Variants in KIAA1671 observed in about 807,000 individuals in gnomAD.
KIAA1671 encodes uncharacterized protein KIAA1671.
Under a neutral mutation model 131.2 loss-of-function variants are expected in KIAA1671, and 52 were observed. The ratio of observed to expected loss-of-function variants is 0.40; its 90% CI spans 0.32 to 0.50. KIAA1671 has a LOEUF of 0.50. KIAA1671 is among the 20% of genes least tolerant of loss of function. KIAA1671 has a pLI of 0.73. For synonymous variants in KIAA1671, 1,003 were observed against 961.6 expected, an observed-to-expected ratio of 1.04 and a Z score of -0.80; for missense variants, 2,360 against 2,364.2, an observed-to-expected ratio of 1.00 and a Z score of 0.04.
chr22:25,060,541 G>T (rs1046203739), intron 6 of KIAA1671: 1 of 152,150 alleles, frequency 6.6e-6, no homozygotes, highest in Non-Finnish European at 1.5e-5. Flanking sequence ...AGCTGCCTTC[G>T]GTTCACACTC....
At chr22:25,065,580 A>G (rs1928425031) in intron 6 of KIAA1671, among the ~76,000 whole-genome samples, 1 of 152,122 alleles carries the variant, frequency 6.6e-6, no homozygotes, top group South Asian at 2.1e-4. Context: ...ACAACACTCA[A>G]ACAAAATTAT....
chr22:25,050,855 C>T (rs1441144968), intron 6 of KIAA1671: 2 of 152,272 alleles, frequency 1.3e-5, no homozygotes, highest in Admixed American at 6.5e-5. Flanking sequence ...GCTATTTCTC[C>T]AGTCCCTCTC....
chr22:25,067,099 T>TGG (rs141825258), intron 6 of KIAA1671, among the ~76,000 whole-genome samples: 1 of 152,212 alleles, frequency 6.6e-6, no homozygotes, highest in East Asian at 1.9e-4. Context: ...GACTGGGCAC[T>TGG]GGGGGCAGCT....
intron 1 of KIAA1671, among the ~76,000 whole-genome samples, chr22:24,977,170 C>T (rs1032938761): frequency 2.0e-5 from 3 of 152,178 alleles, no homozygotes; most frequent in African/African-American, 7.2e-5. Context: ...TAATTATACT[C>T]ACGTTTCCAC....
intron 1 of KIAA1671, among the ~76,000 whole-genome samples, chr22:24,987,097 T>G (rs1050681125): frequency 1.3e-5 from 2 of 152,140 alleles, no homozygotes; most frequent in African/African-American, 4.8e-5. Flanking sequence ...CATTTGATTT[T>G]TATATGATTT....
chr22:25,029,479 A>G lies in KIAA1671; in HGVS notation c.1480A>G (p.Lys494Glu), dbSNP rs1926152694. 2 of 1,550,920 alleles carry G rather than the reference A, an allele frequency of 1.3e-6. No individual in the cohort carries two copies. The highest frequency in any genetic ancestry group is 1.4e-5 in the African/African-American group (1 of 73,040). The change falls in exon 3 of 13, where the codon AAG becomes GAG. Residue 494 changes from lysine (K) to glutamate (E), a missense_variant. By Grantham distance (56) the Lys-to-Glu change is moderately conservative (BLOSUM62 1). Transcript: ENST00000358431. ...CTGGACTGCCGAGAGCTCAGAGGCTAAGCCCGAGGTCAGGAGGAGGACGTT... is the reference window on the plus strand; with the variant it reads ...CTGGACTGCCGAGAGCTCAGAGGCTGAGCCCGAGGTCAGGAGGAGGACGTT... The part of the protein sequence containing the change: ...RGWTAESSEA[K>E]PEVRRRTFQA...
chr22:25,139,462 G>A (rs980796971), intron 6 of KIAA1671, among the ~76,000 whole-genome samples: 2 of 152,216 alleles, frequency 1.3e-5, no homozygotes, highest in East Asian at 1.9e-4. Flanking sequence ...AGTAAATCAC[G>A]TGGCCTCTCT....
intron 12 of KIAA1671, among the ~76,000 whole-genome samples, chr22:25,192,121 TATCTC>T (rs1468478706): frequency 6.6e-6 from 1 of 152,146 alleles, no homozygotes; most frequent in African/African-American, 2.4e-5. Context: ...GTACATGTAA[TATCTC>T]ATTTAAGCCT....
At chr22:25,124,880 C>T (rs1932105654) in intron 6 of KIAA1671, among the ~76,000 whole-genome samples, 1 of 152,122 alleles carries the variant, frequency 6.6e-6, no homozygotes, top group Non-Finnish European at 1.5e-5. Flanking sequence ...TCTCAGCCTC[C>T]CCACTAGCTG....
At chr22:25,179,600 T>C in intron 9 of KIAA1671, 1 of 1,200,010 alleles carries the variant, frequency 8.3e-7, no homozygotes. Flanking sequence ...TGCGTTGGCC[T>C]CCAGGGTGGC....
In KIAA1671 at chr22:24,974,353, G is replaced by T. The variant is rs556133233; in HGVS notation, c.-208+21581G>T. ...TTTGTTAACCCATTAGGACATGCCA[G>T]GTACTGTGTTAGGTCCTTTAGTTCT... On this transcript the variant is annotated intron_variant, in intron 1 of 12. Transcript: ENST00000358431. Among the ~76,000 whole-genome samples, 507 of 152,248 alleles carry T rather than the reference G, an allele frequency of 3.3e-3. 2 individuals are homozygous for T. The highest frequency in any genetic ancestry group is 3.5e-3 in the South Asian group (17 of 4,816).
intron 6 of KIAA1671, among the ~76,000 whole-genome samples, chr22:25,070,858 C>T (rs76077100): frequency 0.071 from 10,854 of 152,216 alleles, 1,261 homozygotes; most frequent in African/African-American, 0.25. Context: ...TTTCCTGAAC[C>T]TACACAGTGA....
At chr22:24,962,394 G>A (rs903773981) in intron 1 of KIAA1671, among the ~76,000 whole-genome samples, 22 of 152,194 alleles carry the variant, frequency 1.4e-4, no homozygotes, top group Admixed American at 3.9e-4. Context: ...GTGAGGATTG[G>A]CATGGAGCTG....
rs1220372254 is a variant in KIAA1671 at position 25,196,014 on chromosome 22, T to C, written c.*3613T>C. ...ATTAGCGAGTGGGGGACTCTTGCTGTGTGCTAAGAGGCTGCTAGGACTCAC... is the reference window on the plus strand; with the variant it reads ...ATTAGCGAGTGGGGGACTCTTGCTGCGTGCTAAGAGGCTGCTAGGACTCAC... On this transcript the variant is annotated 3_prime_UTR_variant, in exon 13 of 13. Coordinates refer to ENST00000358431, the MANE Select transcript of KIAA1671 (RefSeq NM_001145206.2). 6.6e-6 allele frequency: 1 copy of C among 152,096 alleles called. No homozygotes were observed. Among genetic ancestry groups the C allele is most frequent in the Non-Finnish European group, 1.5e-5 (1 of 68,020 alleles). The allele number at this position is 152,096 out of a possible 1,614,324, so 9.4% of individuals were successfully genotyped here. A position where few individuals can be genotyped will look rare whatever the true frequency, so the allele number is the denominator to read the frequency against.
intron 9 of KIAA1671, among the ~76,000 whole-genome samples, chr22:25,179,151 A>G (rs1651987376): frequency 6.6e-6 from 1 of 151,474 alleles, no homozygotes; most frequent in Non-Finnish European, 1.5e-5. Flanking sequence ...ACTCACCACG[A>G]GGACAGGGCA....
chr22:25,059,326 G>A (rs923783078), intron 6 of KIAA1671: 1 of 152,080 alleles, frequency 6.6e-6, no homozygotes, highest in Non-Finnish European at 1.5e-5. Context: ...AATTAGCTGG[G>A]TGTAGTGGTG....
chr22:25,129,150 T>TGGC (rs1490466798), intron 6 of KIAA1671, among the ~76,000 whole-genome samples: 2 of 144,336 alleles, frequency 1.4e-5, no homozygotes, highest in East Asian at 4.5e-4. Context: ...ATGAGGATGG[T>TGGC]GGCGGCATGG....
intron 11 of KIAA1671, chr22:25,185,527 C>T (rs1485192298): frequency 2.3e-5 from 4 of 175,754 alleles, no homozygotes; most frequent in Non-Finnish European, 3.6e-5. Context: ...TCAAAGGGCA[C>T]GGCCAGGTTG....
intron 4 of KIAA1671, among the ~76,000 whole-genome samples, chr22:25,034,023 G>A (rs1364411218): frequency 3.3e-5 from 5 of 151,548 alleles, no homozygotes; most frequent in Admixed American, 6.6e-5. Flanking sequence ...CTCCATCCCA[G>A]GCAAAAGGTT....
Sources: allele counts gnomAD v4.1 joint callset (sites outside exome capture counted in the v4.1 genomes callset), GRCh38; gene constraint gnomAD v4.1.1; transcripts MANE v1.5; gene names NCBI Gene and HGNC (gene_info 2026-07-23, HGNC 2026-07-21).